CREB3L1: variants seen among roughly 807,000 people sequenced by gnomAD.
CREB3L1 encodes cAMP responsive element binding protein 3 like 1.
In CREB3L1, 33 loss-of-function variants were observed where a neutral mutation model predicts 54.5. That is an observed-to-expected ratio of 0.61 (90% CI 0.46 to 0.81). CREB3L1 has a LOEUF of 0.81. CREB3L1 is among the 30% of genes least tolerant of loss of function. The pLI is 0.00. For synonymous variants in CREB3L1, 284 were observed against 286.4 expected (o/e 0.99, Z 0.08); for missense variants, 656 against 673.3 (o/e 0.97, Z 0.29).
At chr11:46,286,158 T>G (rs576557766) in intron 1 of CREB3L1, among the ~76,000 whole-genome samples, 2 of 152,328 alleles carry the variant, frequency 1.3e-5, no homozygotes, top group African/African-American at 4.8e-5. Context: ...CTATAATGAC[T>G]GAGTGCTCAG....
At chr11:46,284,461 AC>A (rs1318959404) in intron 1 of CREB3L1, among the ~76,000 whole-genome samples, 1 of 151,812 alleles carries the variant, frequency 6.6e-6, no homozygotes. Flanking sequence ...GACCAGCCTG[AC>A]CAACATGGTG....
intron 2 of CREB3L1, among the ~76,000 whole-genome samples, chr11:46,307,010 T>G (rs747585028): frequency 3.3e-5 from 5 of 152,150 alleles, no homozygotes; most frequent in Non-Finnish European, 7.4e-5. Context: ...CCTGAGCAGC[T>G]GGGACTAACA....
At chr11:46,304,096 T>C (rs1353261601) in intron 2 of CREB3L1, among the ~76,000 whole-genome samples, 1 of 152,182 alleles carries the variant, frequency 6.6e-6, no homozygotes, top group African/African-American at 2.4e-5. Context: ...AAGGACCTGG[T>C]CTTGAGTGAA....
chr11:46,307,504 C>T (rs997901019), intron 2 of CREB3L1, among the ~76,000 whole-genome samples: 3 of 152,196 alleles, frequency 2.0e-5, no homozygotes, highest in Admixed American at 1.3e-4. Flanking sequence ...CTGTTCCTTT[C>T]CCCATTTTGC....
At chr11:46,302,977 T>C (rs2136347639) in intron 2 of CREB3L1, among the ~76,000 whole-genome samples, 1 of 151,718 alleles carries the variant, frequency 6.6e-6, no homozygotes, top group African/African-American at 2.4e-5. Flanking sequence ...CGAGATTCTG[T>C]CTCAAAAAAA....
chr11:46,305,674 GTGTGTGTGTGTATATA>G (rs1368706422), intron 2 of CREB3L1, among the ~76,000 whole-genome samples: 7 of 87,600 alleles, frequency 8.0e-5, no homozygotes, highest in South Asian at 7.7e-4. Flanking sequence ...GTATATATAT[GTGTGTGTGTGTATATA>G]TGTGTGTGTG....
At chr11:46,288,256 A>G (rs1020409696) in intron 1 of CREB3L1, among the ~76,000 whole-genome samples, 3 of 151,836 alleles carry the variant, frequency 2.0e-5, no homozygotes, top group Non-Finnish European at 4.4e-5. Flanking sequence ...TGATTTTTGT[A>G]TTTTTAGCAG....
intron 2 of CREB3L1, among the ~76,000 whole-genome samples, chr11:46,306,928 C>T (rs1445305863): frequency 4.0e-5 from 6 of 150,968 alleles, no homozygotes; most frequent in Non-Finnish European, 1.5e-5. Context: ...GGCTGGAGTG[C>T]AGTGGTGCGA....
rs188459154 is a variant in CREB3L1 at position 46,278,362 on chromosome 11, G to A, written c.102+149G>A. On this transcript the variant is annotated intron_variant, in intron 1 of 11. Coordinates refer to ENST00000621158, the MANE Select transcript of CREB3L1 (RefSeq NM_052854.4). The surrounding 1 kb of genome is among the most constrained non-coding windows in gnomAD (Gnocchi z 4.2). Reference sequence around the variant, plus strand: ...GGTCTCCAGGAGCGACATGTGTTTGGAGCTAAGCGCCCCTCCTGGGGGCTC... The same window carrying A: ...GGTCTCCAGGAGCGACATGTGTTTGAAGCTAAGCGCCCCTCCTGGGGGCTC... The A allele has an allele frequency of 7.4e-4, 399 of 540,176 alleles. 3 individuals are homozygous for A. The East Asian group carries it at 0.011, about 16-fold the overall frequency. 33.5% of individuals were successfully genotyped at this position (540,176 alleles called of 1,614,324 possible).
rs1938915667 is a variant in CREB3L1, at chr11:46,278,564, C to A, written c.102+351C>A. On this transcript the variant is annotated intron_variant, in intron 1 of 11. Coordinates refer to ENST00000621158, the MANE Select transcript of CREB3L1 (RefSeq NM_052854.4). The surrounding 1 kb of genome is among the most constrained non-coding windows in gnomAD (Gnocchi z 4.2). ...CCAGACTGGGCGCAAAGTGGCAGCG[C>A]CCTTTCCTGCGCCTCCCTTGGGGCT... Among the ~76,000 whole-genome samples the A allele has an allele frequency of 6.6e-6, 1 of 152,250 alleles. No homozygotes were observed. The highest frequency in any genetic ancestry group is 1.5e-5 in the Non-Finnish European group (1 of 68,036).
At chr11:46,304,365 G>A (rs534284811) in intron 2 of CREB3L1, among the ~76,000 whole-genome samples, 6 of 152,156 alleles carry the variant, frequency 3.9e-5, no homozygotes, top group Non-Finnish European at 5.9e-5. Flanking sequence ...CCAGCTACTC[G>A]AGAGGCTGAG....
chr11:46,312,832 G>T lies in CREB3L1; in HGVS notation c.963-19G>T. 1 of 1,581,770 alleles carries T rather than the reference G, an allele frequency of 6.3e-7. No homozygotes were observed. Among genetic ancestry groups the T allele is most frequent in the Non-Finnish European group, 8.6e-7 (1 of 1,163,938 alleles). Reference sequence around the variant, plus strand: ...GTCTGGGGGCTGCCCCTGAGCCTGTGCCTGCTTGGCCCCTACAGGGTGGAG... The same window carrying T: ...GTCTGGGGGCTGCCCCTGAGCCTGTTCCTGCTTGGCCCCTACAGGGTGGAG... On this transcript the variant is annotated intron_variant, in intron 7 of 11. Coordinates refer to ENST00000621158, the MANE Select transcript of CREB3L1 (RefSeq NM_052854.4).
In CREB3L1 at chr11:46,311,093, C is replaced by A; in HGVS notation, c.657C>A (p.Ser219=). Residue 219 remains serine (S), a synonymous_variant, in exon 5 of 12, where the codon TCC becomes TCA. Transcript: ENST00000621158. ...GCCATGGCAGTGACAGCGACGGCTC[C>A]CAGAGTCCCCGCTCTCTGCCCCCCT... The part of the protein sequence containing the change: ...PSSHGSDSDG[S]QSPRSLPPSS... 6.2e-7 allele frequency: 1 copy of A among 1,609,394 alleles called. No individual in the cohort carries two copies. The highest frequency in any genetic ancestry group is 8.5e-7 in the Non-Finnish European group (1 of 1,179,074).
intron 2 of CREB3L1, among the ~76,000 whole-genome samples, chr11:46,306,779 T>C (rs1939402781): frequency 6.6e-6 from 1 of 152,080 alleles, no homozygotes; most frequent in Non-Finnish European, 1.5e-5. Flanking sequence ...CTTACTCTTT[T>C]TTTTTTTTCA....
At position 46,294,208 on chromosome 11, in the gene CREB3L1, T is replaced by C. The variant is rs189261038; in HGVS notation, c.103-5727T>C. On this transcript the variant is annotated intron_variant, in intron 1 of 11. Transcript: ENST00000621158. ...TGGTGACCAGTTCGGTAGGGGAAAA[T>C]ATGAAACTTCAGCAGCCGCCTTCCC... is the stretch of plus-strand genomic sequence containing the variant. Among the ~76,000 whole-genome samples the C allele has an allele frequency of 8.5e-5, 13 of 152,090 alleles. 1 individual carries two copies. The East Asian group carries it at 2.5e-3, about 29-fold the overall frequency.
At chr11:46,307,771 G>A in intron 2 of CREB3L1, 45 bp from the exon 3 acceptor site, 1 of 1,460,490 alleles carries the variant, frequency 6.8e-7, no homozygotes, top group Non-Finnish European at 9.1e-7. Context: ...GCAGGGGGCT[G>A]AGACCTCTGC....
chr11:46,290,537 T>C (rs1480434122), intron 1 of CREB3L1, among the ~76,000 whole-genome samples: 1 of 151,834 alleles, frequency 6.6e-6, no homozygotes, highest in Non-Finnish European at 1.5e-5. Context: ...GGATCTGGCA[T>C]GCACTATCTG....
intron 1 of CREB3L1, among the ~76,000 whole-genome samples, chr11:46,291,993 C>T (rs568764043): frequency 5.9e-5 from 9 of 152,306 alleles, no homozygotes; most frequent in Non-Finnish European, 1.2e-4. Context: ...AGGCTCCAGG[C>T]GAGGAGGGCC....
intron 1 of CREB3L1, 49 bp from the exon 2 acceptor site, chr11:46,299,886 T>C (rs1939269349): frequency 6.9e-7 from 1 of 1,452,254 alleles, no homozygotes. Flanking sequence ...TGCACCCCCT[T>C]CCCAAGCAAA....
Sources: allele counts gnomAD v4.1 joint callset (sites outside exome capture counted in the v4.1 genomes callset), GRCh38; gene constraint gnomAD v4.1.1; non-coding constraint Gnocchi (gnomAD v3.1); transcripts MANE v1.5; gene names NCBI Gene and HGNC (gene_info 2026-07-23, HGNC 2026-07-21).